SOS2: variants seen among roughly 807,000 people sequenced by gnomAD.
SOS2 encodes the protein son of sevenless homolog 2.
In SOS2, 65 loss-of-function variants were observed where a neutral mutation model predicts 148.2. That is an observed-to-expected ratio of 0.44 (90% CI 0.36 to 0.54). The LOEUF is 0.54. Among genes scored for constraint, SOS2 ranks in the 20% least tolerant of loss-of-function variants. The pLI is 0.00. For synonymous variants in SOS2, 539 were observed against 537.1 expected (o/e 1.00, Z -0.05); for missense variants, 1,341 against 1,590.2 (o/e 0.84, Z 2.67).
Position 50,186,001 on chromosome 14 carries a change from TG to T in SOS2, c.714+2495del, listed in dbSNP as rs548939841. Reference sequence around the variant, plus strand: ...ATCAGGGTCTTAGGGTTAAATTAGATGATTTCTGTAAAATGCTCCTGGCACA... The same window carrying T: ...ATCAGGGTCTTAGGGTTAAATTAGATATTTCTGTAAAATGCTCCTGGCACA... On this transcript the variant is annotated intron_variant, in intron 5 of 22. Coordinates refer to ENST00000216373, the MANE Select transcript of SOS2 (RefSeq NM_006939.4). 1.2e-3 allele frequency among the ~76,000 whole-genome samples: 184 copies of T among 152,298 alleles called. 3 individuals are homozygous for T. Among genetic ancestry groups the T allele is most frequent in the African/African-American group, 4.1e-3 (171 of 41,576 alleles).
intron 1 of SOS2, among the ~76,000 whole-genome samples, chr14:50,217,198 T>C (rs535282038): frequency 3.9e-4 from 59 of 152,256 alleles, no homozygotes; most frequent in African/African-American, 1.4e-3. Context: ...TGAAGACCTT[T>C]AGCAAAGGAA....
rs769787486 is a variant in SOS2, at chr14:50,150,226, T to C, written c.2166A>G (p.Lys722=). ...TTGACTCTACCCATTTTTTCATAGCTTTCCCTGGAAAAAGAACACATAAAG... is the reference window on the plus strand; with the variant it reads ...TTGACTCTACCCATTTTTTCATAGCCTTCCCTGGAAAAAGAACACATAAAG... ...LESFISSVRG[K]AMKKWVESIA... Residue 722 remains lysine (K), a synonymous_variant, in exon 14 of 23, where the codon AAA becomes AAG. Transcript: ENST00000216373. 5 of 1,598,394 alleles carry C rather than the reference T, an allele frequency of 3.1e-6. No individual in the cohort carries two copies. The highest frequency in any genetic ancestry group is 2.6e-6 in the Non-Finnish European group (3 of 1,166,294).
intron 1 of SOS2, among the ~76,000 whole-genome samples, chr14:50,210,783 T>C (rs1886845983): frequency 6.6e-6 from 1 of 152,076 alleles, no homozygotes; most frequent in African/African-American, 2.4e-5. Flanking sequence ...CCTATATATA[T>C]ATTAAAAAGT....
intron 16 of SOS2, among the ~76,000 whole-genome samples, chr14:50,142,065 T>C (rs1594967499): frequency 6.6e-6 from 1 of 151,742 alleles, no homozygotes; most frequent in South Asian, 2.1e-4. Context: ...TGGAGTGCAG[T>C]GGTGCGATCT....
At chr14:50,156,096 ATC>A (rs1420397468) in intron 12 of SOS2, 17 of 152,210 alleles carry the variant, frequency 1.1e-4, no homozygotes, top group Non-Finnish European at 2.4e-4. Context: ...GTCAACAGTA[ATC>A]AAGGAAACTT....
chr14:50,191,158 TTCTTAAAAC>T (rs1307536669), intron 4 of SOS2, among the ~76,000 whole-genome samples: 10 of 152,106 alleles, frequency 6.6e-5, no homozygotes, highest in East Asian at 1.9e-4. Flanking sequence ...CATTCTCTCA[TTCTTAAAAC>T]TCTTAAAACT....
intron 13 of SOS2, among the ~76,000 whole-genome samples, chr14:50,150,734 T>A (rs1884635329): frequency 6.6e-6 from 1 of 151,866 alleles, no homozygotes; most frequent in Non-Finnish European, 1.5e-5. Context: ...ATTTTTGTAT[T>A]TTTTTTGAAA....
In SOS2 at chr14:50,118,071, G is replaced by A; in HGVS notation, c.*273C>T. 3.0e-6 allele frequency: 1 copy of A among 336,174 alleles called. No individual in the cohort carries two copies. The highest frequency in any genetic ancestry group is 5.4e-6 in the Non-Finnish European group (1 of 185,446). The allele number at this position is 336,174 out of a possible 1,614,324, so 20.8% of individuals were successfully genotyped here. A position where few individuals can be genotyped will look rare whatever the true frequency, so the allele number is the denominator to read the frequency against. ...TCATGTCACTTTAAACCATATTTTTGCAGAGTTTACAGTGCAAATATAAAT... is the reference window on the plus strand; with the variant it reads ...TCATGTCACTTTAAACCATATTTTTACAGAGTTTACAGTGCAAATATAAAT... On this transcript the variant is annotated 3_prime_UTR_variant, in exon 23 of 23. Coordinates refer to ENST00000216373, the MANE Select transcript of SOS2 (RefSeq NM_006939.4).
chr14:50,129,120 G>T (rs993995711), intron 21 of SOS2, among the ~76,000 whole-genome samples: 2 of 152,124 alleles, frequency 1.3e-5, no homozygotes, highest in South Asian at 2.1e-4. Context: ...CAGAAAGAAA[G>T]TTTACAGCAT....
intron 4 of SOS2, among the ~76,000 whole-genome samples, chr14:50,189,052 G>C (rs960527795): frequency 3.9e-5 from 5 of 127,352 alleles, no homozygotes; most frequent in Admixed American, 9.7e-5. Context: ...GCGACAGAGC[G>C]AGACTCCATC....
At position 50,130,641 on chromosome 14, in the gene SOS2, A is replaced by C; in HGVS notation, c.3197T>G (p.Ile1066Arg). 1 of 1,614,118 alleles carries C rather than the reference A, an allele frequency of 6.2e-7. No homozygotes were observed. Among genetic ancestry groups the C allele is most frequent in the Non-Finnish European group, 8.5e-7 (1 of 1,180,000 alleles). The change falls in exon 20 of 23, where the codon ATA becomes AGA. Residue 1066 changes from isoleucine to arginine, a missense_variant. By Grantham distance (97) the Ile-to-Arg change is moderately conservative. Around this residue, in one of 4 missense-constraint regions of SOS2, gnomAD observed 354 missense variants for 347.7 expected, o/e 1.02. Coordinates refer to ENST00000216373, the MANE Select transcript of SOS2 (RefSeq NM_006939.4). ...PTPLEREPCKISFSRIAETEL... is the reference protein window; with the variant it reads ...PTPLEREPCKRSFSRIAETEL... ...AGTTTCAGCAATCCGACTAAAGCTT[A>C]TTTTACATGGTTCTCTTTCTAATGG...
rs1883836729 is a variant in SOS2 at position 50,130,578 on chromosome 14, T to C, written c.3260A>G (p.Asn1087Ser). 6.2e-7 allele frequency: 1 copy of C among 1,613,994 alleles called. No homozygotes were observed. The highest frequency in any genetic ancestry group is 8.5e-7 in the Non-Finnish European group (1 of 1,179,930). ...AGATACTGGTGGAGTAGATGGTGTATTTGGAGAGGTTGGTGCTGACACTGT... is the reference window on the plus strand; with the variant it reads ...AGATACTGGTGGAGTAGATGGTGTACTTGGAGAGGTTGGTGCTGACACTGT... ...ESTVSAPTSP[N>S]TPSTPPVSAS... is the part of the protein sequence containing the mutation. Residue 1087 changes from asparagine (N) to serine (S), a missense_variant, in exon 20 of 23, where the codon AAT (asparagine) becomes AGT (serine). Transcript: ENST00000216373.
chr14:50,219,583 A>G (rs1360454083), intron 1 of SOS2, among the ~76,000 whole-genome samples: 1 of 152,176 alleles, frequency 6.6e-6, no homozygotes, highest in Non-Finnish European at 1.5e-5. Flanking sequence ...GGGCTGAAGG[A>G]TATGTCTACT....
chr14:50,230,936 G>A, intron 1 of SOS2: 2 of 1,101,128 alleles, frequency 1.8e-6, no homozygotes, highest in Non-Finnish European at 2.2e-6. Flanking sequence ...GTCAACGGCG[G>A]AAGTTGCCTG....
chr14:50,197,132 C>T (rs1886335596), intron 4 of SOS2, among the ~76,000 whole-genome samples: 2 of 152,172 alleles, frequency 1.3e-5, no homozygotes, highest in Admixed American at 6.5e-5. Context: ...GGATTACAGG[C>T]ATGAGCCACG....
chr14:50,121,018 A>T (rs1391847940), intron 21 of SOS2, among the ~76,000 whole-genome samples: 1 of 152,106 alleles, frequency 6.6e-6, no homozygotes, highest in Non-Finnish European at 1.5e-5. Context: ...GATTACAGGC[A>T]TGAACCACCG....
At chr14:50,195,967 C>T (rs575340562) in intron 4 of SOS2, among the ~76,000 whole-genome samples, 2 of 152,068 alleles carry the variant, frequency 1.3e-5, no homozygotes, top group Admixed American at 1.3e-4. Context: ...GCGGAGGTTG[C>T]AGTGAGCCGA....
chr14:50,145,735 T>C (rs1456295640), intron 14 of SOS2, 139 bp from the exon 15 acceptor site: 2 of 553,454 alleles, frequency 3.6e-6, no homozygotes. Flanking sequence ...CAGAGAGGAA[T>C]AGACCCAAAT....
rs148864503 is a variant in SOS2 at position 50,165,349 on chromosome 14, T to A, written c.1069-3740A>T. On this transcript the variant is annotated intron_variant, in intron 8 of 22. Coordinates refer to ENST00000216373, the MANE Select transcript of SOS2 (RefSeq NM_006939.4). Reference sequence around the variant, plus strand: ...GTCATGTTTCTATTGTCTCTTTTATTCTGGAGAGTTCCTAAGCATTTGTCT... The same window carrying A: ...GTCATGTTTCTATTGTCTCTTTTATACTGGAGAGTTCCTAAGCATTTGTCT... 1.4e-4 allele frequency among the ~76,000 whole-genome samples: 22 copies of A among 152,290 alleles called. No homozygotes were observed. In the East Asian group the frequency reaches 3.9e-3, roughly 27 times the overall value.
Sources: gnomAD v4.1 joint callset for allele counts (sites outside exome capture counted in the v4.1 genomes callset) on GRCh38, gnomAD v4.1.1 for gene constraint, gnomAD v4.1.1 regional missense constraint, MANE v1.5 for transcripts, NCBI Gene and HGNC (gene_info 2026-07-23, HGNC 2026-07-21) for gene names.